The following GAMT variants were observed in gnomAD, a reference collection of about 807,000 sequenced individuals.
GAMT encodes guanidinoacetate N-methyltransferase.
Under a neutral mutation model 26.9 loss-of-function variants are expected in GAMT, and 26 were observed. That is an observed-to-expected ratio of 0.97 (90% CI 0.71 to 1.34). The LOEUF is 1.34. Ranked by LOEUF, GAMT falls within the 40% of genes most tolerant of loss-of-function variation. The probability of loss-of-function intolerance (pLI) is 0.00; values close to 1 mark genes in which losing one functional copy is unlikely to be tolerated. For missense variants in GAMT, 412 were observed against 345.0 expected (o/e 1.19, Z -1.54); for synonymous variants, 169 against 149.6 (o/e 1.13, Z -0.95).
At position 1,399,450 on chromosome 19, in the gene GAMT, A is replaced by G; in HGVS notation, c.391+74T>C. 1 of 1,381,440 alleles carries G rather than the reference A, an allele frequency of 7.2e-7. No individual in the cohort carries two copies. The highest frequency in any genetic ancestry group is 1.3e-5 in the South Asian group (1 of 79,998). 85.6% of individuals were successfully genotyped at this position (1,381,440 alleles called of 1,614,324 possible). A position where few individuals can be genotyped will look rare whatever the true frequency, so the allele number is the denominator to read the frequency against. ...TGTCCCCCCAGTGCACATCAGAGGG[A>G]CCCCCACAAGCAAAGGAGGGGCTGC... On this transcript the variant is annotated intron_variant, in intron 3 of 5. Transcript: ENST00000252288. This position sits in a 1 kb window ranked among gnomAD's most constrained non-coding sequence, Gnocchi z 6.2.
chr19:1,401,174 C>T (rs1476535069), intron 1 of GAMT, 122 bp downstream of exon 1: 3 of 896,568 alleles, frequency 3.3e-6, no homozygotes, highest in East Asian at 3.3e-5. Context: ...AGCCCCACTT[C>T]CCAGGCGAGG....
chr19:1,397,887 C>A, intron 5 of GAMT: 1 of 1,130,548 alleles, frequency 8.8e-7, no homozygotes, highest in Non-Finnish European at 1.1e-6. Context: ...GCTCTCACAA[C>A]AGCAGCCCAG....
intron 5 of GAMT, 196 bp from the exon 6 acceptor site, chr19:1,397,695 C>G (rs915847474): frequency 6.5e-6 from 9 of 1,395,098 alleles, no homozygotes; most frequent in Non-Finnish European, 7.6e-6. Flanking sequence ...CGGGCAGCAG[C>G]TTCCCGGCTG....
At chr19:1,400,978 G>A (rs1473277281) in intron 1 of GAMT, among the ~76,000 whole-genome samples, 1 of 152,206 alleles carries the variant, frequency 6.6e-6, no homozygotes, top group Non-Finnish European at 1.5e-5. Flanking sequence ...CCCGACCTCA[G>A]ACAGGGAGCT....
chr19:1,401,463 C>A lies in GAMT; in HGVS notation c.14G>T (p.Ser5Ile). The part of the protein sequence containing the change: MSAP[S>I]ATPIFAPGEN... Reference sequence around the variant, plus strand: ...GCCGGGCGCGAAGATGGGGGTCGCGCTGGGGGCGCTCATGCTGCAGGCTGG... The same window carrying A: ...GCCGGGCGCGAAGATGGGGGTCGCGATGGGGGCGCTCATGCTGCAGGCTGG... Residue 5 changes from serine (S) to isoleucine (I), a missense_variant, in exon 1 of 6, where the codon AGC becomes ATC. Physicochemically the swap from Ser to Ile is moderately radical, Grantham distance 142. Coordinates refer to ENST00000252288, the MANE Select transcript of GAMT (RefSeq NM_000156.6). 4 of 1,374,296 alleles carry A rather than the reference C, an allele frequency of 2.9e-6. No individual in the cohort carries two copies. Among genetic ancestry groups the A allele is most frequent in the Non-Finnish European group, 3.8e-6 (4 of 1,063,188 alleles). The allele number at this position is 1,374,296 out of a possible 1,614,324, so 85.1% of individuals were successfully genotyped here.
Position 1,397,320 on chromosome 19 carries a change from CGGA to C in GAMT, c.*36_*38del, listed in dbSNP as rs2082605489. On this transcript the variant is annotated 3_prime_UTR_variant, in exon 6 of 6. Coordinates refer to ENST00000252288, the MANE Select transcript of GAMT (RefSeq NM_000156.6). Reference sequence around the variant, plus strand: ...CCCTGGACTCCCGGCCAGGAAGGCACGGAGGAGGGCATGGGTGTGGCCGGGCCG... The same window carrying C: ...CCCTGGACTCCCGGCCAGGAAGGCACGGAGGGCATGGGTGTGGCCGGGCCG... 1 of 1,586,466 alleles carries C rather than the reference CGGA, an allele frequency of 6.3e-7. No homozygotes were observed. Among genetic ancestry groups the C allele is most frequent in the African/African-American group, 1.3e-5 (1 of 74,374 alleles).
intron 1 of GAMT, among the ~76,000 whole-genome samples, chr19:1,400,394 C>T (rs982332800): frequency 1.3e-5 from 2 of 152,060 alleles, no homozygotes; most frequent in African/African-American, 2.4e-5. Context: ...TGGACAGAGG[C>T]GGGCGGAACA....
intron 5 of GAMT, chr19:1,397,741 G>A (rs2082609101): frequency 6.4e-6 from 9 of 1,406,658 alleles, no homozygotes; most frequent in South Asian, 3.0e-5. Context: ...AGCCACCCCC[G>A]GGCACCTACT....
chr19:1,399,159 G>C lies in GAMT; in HGVS notation c.428C>G (p.Thr143Ser). The change falls in exon 4 of 6, where the codon ACC becomes AGC. Residue 143 changes from threonine (T) to serine (S), a missense_variant. By Grantham distance (58) the Thr-to-Ser change is moderately conservative. Transcript: ENST00000252288. The surrounding 1 kb of genome is among the most constrained non-coding windows in gnomAD (Gnocchi z 6.2). Reference sequence around the variant, plus strand: ...GAAGTTGAACTGGTGTGTGTGCCAGGTCTCCTCCGAGAGTGGGTACGTGTC... The same window carrying C: ...GAAGTTGAACTGGTGTGTGTGCCAGCTCTCCTCCGAGAGTGGGTACGTGTC... ...LYDTYPLSEE[T>S]WHTHQFNFIK... 1.2e-6 allele frequency: 2 copies of C among 1,613,772 alleles called. No individual in the cohort carries two copies. The highest frequency in any genetic ancestry group is 1.7e-6 in the Non-Finnish European group (2 of 1,180,006).
At position 1,399,814 on chromosome 19, in the gene GAMT, C is replaced by G. The variant is rs1419419172; in HGVS notation, c.306G>C (p.Trp102Cys). The change falls in exon 2 of 6, where the codon TGG (tryptophan) becomes TGC (cysteine). Residue 102 changes from tryptophan to cysteine, a missense_variant. Coordinates refer to ENST00000252288, the MANE Select transcript of GAMT (RefSeq NM_000156.6). The surrounding 1 kb of genome is among the most constrained non-coding windows in gnomAD (Gnocchi z 6.2). ...GCACCTTGTGTGTCTGCCGTGGGGC[C>G]CAGTCCCGGAGCCGCTGGAAGACGC... ...NDGVFQRLRD[W>C]APRQTHKVIP... 1.3e-6 allele frequency: 2 copies of G among 1,575,342 alleles called. No homozygotes were observed. Among genetic ancestry groups the G allele is most frequent in the Non-Finnish European group, 1.7e-6 (2 of 1,161,352 alleles).
chr19:1,399,655 A>C lies in GAMT; in HGVS notation c.328-68T>G. 1 of 1,546,566 alleles carries C rather than the reference A, an allele frequency of 6.5e-7. No individual in the cohort carries two copies. Among genetic ancestry groups the C allele is most frequent in the South Asian group, 1.2e-5 (1 of 86,536 alleles). The stretch of plus-strand genomic sequence containing the variant: ...TCCCCAGGATCTCCCCACCTGCAGA[A>C]AGGGAGCGGCCAGGGGGACTCCCGA... On this transcript the variant is annotated intron_variant, in intron 2 of 5. Coordinates refer to ENST00000252288, the MANE Select transcript of GAMT (RefSeq NM_000156.6). The surrounding 1 kb of genome is among the most constrained non-coding windows in gnomAD (Gnocchi z 6.2).
chr19:1,401,281 C>T lies in GAMT; in HGVS notation c.181+15G>A. The T allele has an allele frequency of 6.8e-7, 1 of 1,469,236 alleles. No homozygotes were observed. The highest frequency in any genetic ancestry group is 9.0e-7 in the Non-Finnish European group (1 of 1,112,972). The allele number at this position is 1,469,236 out of a possible 1,614,324, so 91.0% of individuals were successfully genotyped here. A position where few individuals can be genotyped will look rare whatever the true frequency, so the allele number is the denominator to read the frequency against. On this transcript the variant is annotated intron_variant, in intron 1 of 5. Transcript: ENST00000252288. ...CCTGCGCCCCCGGGGGCGGTGCAGG[C>T]CGGGCGGGGGCTACCTTTGGAGGAG...
At chr19:1,398,226 T>A in intron 5 of GAMT, 1 of 331,230 alleles carries the variant, frequency 3.0e-6, no homozygotes, top group Non-Finnish European at 4.4e-6. Context: ...GCCTCCCGAG[T>A]AGCTGGAATT....
In GAMT at chr19:1,397,432, G is replaced by A. The variant is rs761535571; in HGVS notation, c.638C>T (p.Ala213Val). The A allele has an allele frequency of 7.4e-6, 12 of 1,611,078 alleles. No homozygotes were observed. The highest frequency in any genetic ancestry group is 6.7e-5 in the Admixed American group (4 of 60,002). Residue 213 changes from alanine to valine, a missense_variant, in exon 6 of 6, where the codon GCG becomes GTG. Transcript: ENST00000252288. Reference protein sequence around the residue: ...RRENIRTEVMALVPPADCRYY... With the variant: ...RRENIRTEVMVLVPPADCRYY... ...GCGGCAGTCGGCCGGTGGGACCAGC[G>A]CCATCACCTCCGTACGGATGTTCTC... is the stretch of plus-strand genomic sequence containing the variant.
Position 1,399,181 on chromosome 19 carries a change from T to C in GAMT, c.406A>G (p.Thr136Ala). Residue 136 changes from threonine to alanine, a missense_variant, in exon 4 of 6, where the codon ACG (threonine) becomes GCG (alanine). Transcript: ENST00000252288. The surrounding 1 kb of genome is among the most constrained non-coding windows in gnomAD (Gnocchi z 6.2). ...CAGGTCTCCTCCGAGAGTGGGTACGTGTCGTACAGGATCCCTGCACGGAGA... is the reference window on the plus strand; with the variant it reads ...CAGGTCTCCTCCGAGAGTGGGTACGCGTCGTACAGGATCCCTGCACGGAGA... The part of the protein sequence containing the change: ...DGHFDGILYD[T>A]YPLSEETWHT... 1.9e-6 allele frequency: 3 copies of C among 1,613,516 alleles called. No homozygotes were observed. Among genetic ancestry groups the C allele is most frequent in the Non-Finnish European group, 2.5e-6 (3 of 1,179,982 alleles).
rs559754658 is a variant in GAMT, at chr19:1,401,498, C to T, written c.-22G>A. 28 of 1,293,144 alleles carry T rather than the reference C, an allele frequency of 2.2e-5. 1 individual carries two copies. In the South Asian group the frequency reaches 6.3e-4, roughly 29 times the overall value. The allele number at this position is 1,293,144 out of a possible 1,614,324, so 80.1% of individuals were successfully genotyped here. A position where few individuals can be genotyped will look rare whatever the true frequency, so the allele number is the denominator to read the frequency against. On this transcript the variant is annotated 5_prime_UTR_variant, in exon 1 of 6. Transcript: ENST00000252288. ...TCATGCTGCAGGCTGGACGGCGACCCGACCTCGATCGCGCGCCGCCCGGGC... is the reference window on the plus strand; with the variant it reads ...TCATGCTGCAGGCTGGACGGCGACCTGACCTCGATCGCGCGCCGCCCGGGC...
rs369176910 is a variant in GAMT at position 1,399,090 on chromosome 19, G to C, written c.459+38C>G. ...GGGGTGTGGGCAGAGGGGCTTCCCC[G>C]AGGGCCTCCCGCATCCCAGCAAGTC... is the stretch of plus-strand genomic sequence containing the variant. On this transcript the variant is annotated intron_variant, in intron 4 of 5. Transcript: ENST00000252288. The surrounding 1 kb of genome is among the most constrained non-coding windows in gnomAD (Gnocchi z 6.2). 37 of 1,613,172 alleles carry C rather than the reference G, an allele frequency of 2.3e-5. No individual in the cohort carries two copies. The highest frequency in any genetic ancestry group is 2.2e-4 in the East Asian group (10 of 44,886).
intron 1 of GAMT, among the ~76,000 whole-genome samples, chr19:1,400,595 T>C (rs1389736515): frequency 6.6e-6 from 1 of 152,108 alleles, no homozygotes; most frequent in African/African-American, 2.4e-5. Flanking sequence ...TCTCTCCCCC[T>C]CCCTCTATCC....
Position 1,399,006 on chromosome 19 carries a change from C to T in GAMT, c.480G>A (p.Leu160=), listed in dbSNP as rs1379169020. The change falls in exon 5 of 6, where the codon CTG becomes CTA. Residue 160 remains leucine (L), a synonymous_variant. Transcript: ENST00000252288. This position sits in a 1 kb window ranked among gnomAD's most constrained non-coding sequence, Gnocchi z 6.2. The part of the protein sequence containing the change: ...NFIKNHAFRL[L]KPGGVLTYCN... ...AGTAGGTGAGGACGCCCCCCGGCTT[C>T]AGCAGGCGAAAGGCGTGGTTCTGTG... 8 of 1,613,472 alleles carry T rather than the reference C, an allele frequency of 5.0e-6. No homozygotes were observed. Among genetic ancestry groups the T allele is most frequent in the Non-Finnish European group, 6.8e-6 (8 of 1,180,002 alleles).
Sources: gnomAD v4.1 joint callset for allele counts (sites outside exome capture counted in the v4.1 genomes callset) on GRCh38, gnomAD v4.1.1 for gene constraint, Gnocchi (gnomAD v3.1) non-coding constraint, MANE v1.5 for transcripts, NCBI Gene and HGNC (gene_info 2026-07-23, HGNC 2026-07-21) for gene names.